LTBP1: variants seen among roughly 807,000 people sequenced by gnomAD.
LTBP1 encodes the protein latent-transforming growth factor beta-binding protein 1.
Under a neutral mutation model 207.6 loss-of-function variants are expected in LTBP1, and 129 were observed. That is an observed-to-expected ratio of 0.62 (90% CI 0.54 to 0.72). The LOEUF is 0.72. Among genes scored for constraint, LTBP1 ranks in the 30% least tolerant of loss-of-function variants. The probability of loss-of-function intolerance (pLI) is 0.00; values close to 1 mark genes in which losing one functional copy is unlikely to be tolerated. For synonymous variants in LTBP1, 963 were observed against 833.7 expected (o/e 1.16, Z -2.67); for missense variants, 2,281 against 2,217.2 (o/e 1.03, Z -0.58).
intron 18 of LTBP1, among the ~76,000 whole-genome samples, chr2:33,276,184 A>G (rs558894267): frequency 1.1e-4 from 16 of 152,356 alleles, no homozygotes; most frequent in Admixed American, 2.6e-4. Context: ...TAGAATGATT[A>G]ATTGCATCAT....
intron 23 of LTBP1, 152 bp from the exon 24 acceptor site, chr2:33,314,992 G>A: frequency 1.6e-6 from 1 of 622,380 alleles, no homozygotes; most frequent in Non-Finnish European, 2.7e-6. Flanking sequence ...AACTCAGCTT[G>A]TCCTGTGGTT....
intron 10 of LTBP1, among the ~76,000 whole-genome samples, chr2:33,246,037 A>C (rs2092497234): frequency 6.6e-6 from 1 of 152,224 alleles, no homozygotes; most frequent in Non-Finnish European, 1.5e-5. Context: ...TCATTGCCCA[A>C]ATAATTCTGA....
intron 31 of LTBP1, among the ~76,000 whole-genome samples, chr2:33,371,392 G>C (rs1226750607): frequency 6.6e-6 from 1 of 152,104 alleles, no homozygotes; most frequent in Admixed American, 6.6e-5. Context: ...AAACTGTTTT[G>C]GGAGGATCCT....
chr2:33,254,867 T>TTTTTTTTG (rs2092800722), intron 11 of LTBP1, among the ~76,000 whole-genome samples: 1 of 122,044 alleles, frequency 8.2e-6, no homozygotes. Context: ...TTTTTTTTTT[T>TTTTTTTTG]TTTTTTTTTT....
chr2:33,336,979 G>A (rs2094560403), intron 24 of LTBP1, among the ~76,000 whole-genome samples: 1 of 152,084 alleles, frequency 6.6e-6, no homozygotes, highest in Non-Finnish European at 1.5e-5. Flanking sequence ...ATTGAGATTT[G>A]TTGTGAATTT....
rs74978869 is a variant in LTBP1 at position 33,224,392 on chromosome 2, A to G, written c.1876+2241A>G. 6.4e-3 allele frequency among the ~76,000 whole-genome samples: 981 copies of G among 152,308 alleles called. 6 individuals are homozygous for G. The highest frequency in any genetic ancestry group is 0.031 in the Middle Eastern group (9 of 294). Reference sequence around the variant, plus strand: ...ATGCTCCTAATTTCTCTTAATGTCAAATGGATAAAATATACATATGTTCTC... The same window carrying G: ...ATGCTCCTAATTTCTCTTAATGTCAGATGGATAAAATATACATATGTTCTC... On this transcript the variant is annotated intron_variant, in intron 9 of 33. Coordinates refer to ENST00000404816, the MANE Select transcript of LTBP1 (RefSeq NM_206943.4).
At chr2:32,965,112 TG>T (rs1173924196) in intron 2 of LTBP1, among the ~76,000 whole-genome samples, 2 of 152,250 alleles carry the variant, frequency 1.3e-5, no homozygotes, top group Admixed American at 6.5e-5. Flanking sequence ...CATAGAATAA[TG>T]AAGACAAAGT....
intron 7 of LTBP1, among the ~76,000 whole-genome samples, chr2:33,194,810 A>G (rs967456912): frequency 6.6e-6 from 1 of 152,220 alleles, no homozygotes; most frequent in Non-Finnish European, 1.5e-5. Context: ...TCATAGCTAG[A>G]GAGAAAGTCA....
At position 33,021,158 on chromosome 2, in the gene LTBP1, C is replaced by T. The variant is rs777550744; in HGVS notation, c.815C>T (p.Thr272Ile). The T allele has an allele frequency of 2.4e-5, 39 of 1,611,568 alleles. No individual in the cohort carries two copies. The highest frequency in any genetic ancestry group is 3.1e-5 in the Non-Finnish European group (37 of 1,178,506). ...RVSPVAQMTL[T>I]LKPKPSVGLP... Reference sequence around the variant, plus strand: ...AGCCCTGTGGCCCAGATGACCTTAACCCTCAAGCCGAAGCCTTCAGTGGGA... The same window carrying T: ...AGCCCTGTGGCCCAGATGACCTTAATCCTCAAGCCGAAGCCTTCAGTGGGA... Residue 272 changes from threonine (T) to isoleucine (I), a missense_variant, in exon 3 of 34, where the codon ACC (threonine) becomes ATC (isoleucine). Coordinates refer to ENST00000404816, the MANE Select transcript of LTBP1 (RefSeq NM_206943.4).
chr2:33,218,063 T>C (rs1044480893), intron 8 of LTBP1, among the ~76,000 whole-genome samples: 11 of 152,228 alleles, frequency 7.2e-5, no homozygotes, highest in African/African-American at 1.7e-4. Context: ...CCACAACTTA[T>C]GTTGTAGTTT....
intron 2 of LTBP1, among the ~76,000 whole-genome samples, chr2:32,976,881 G>A (rs761670549): frequency 2.8e-4 from 42 of 152,184 alleles, no homozygotes; most frequent in Non-Finnish European, 4.1e-4. Context: ...GCTAGGAGCC[G>A]TGAGGGTGAG....
At chr2:33,341,539 G>A (rs1288563874) in intron 24 of LTBP1, among the ~76,000 whole-genome samples, 1 of 151,430 alleles carries the variant, frequency 6.6e-6, no homozygotes, top group Non-Finnish European at 1.5e-5. Flanking sequence ...GTGAAACACC[G>A]TCTCTACTAA....
chr2:33,036,806 C>CT (rs1442268502), intron 3 of LTBP1, among the ~76,000 whole-genome samples: 1 of 152,008 alleles, frequency 6.6e-6, no homozygotes, highest in Non-Finnish European at 1.5e-5. Context: ...GTTTAAAAAG[C>CT]TTTTTTAGCA....
At chr2:33,270,003 T>C (rs2093280495) in intron 15 of LTBP1, among the ~76,000 whole-genome samples, 1 of 149,790 alleles carries the variant, frequency 6.7e-6, no homozygotes, top group South Asian at 2.1e-4. Flanking sequence ...TCTCGCCCTG[T>C]CACTCAGGGT....
At chr2:33,129,035 A>T (rs1460687367) in intron 4 of LTBP1, among the ~76,000 whole-genome samples, 1 of 152,158 alleles carries the variant, frequency 6.6e-6, no homozygotes, top group Admixed American at 6.5e-5. Context: ...AGTCATTTTG[A>T]AAGAGACACC....
At chr2:33,354,916 A>G (rs1416596874) in intron 26 of LTBP1, among the ~76,000 whole-genome samples, 1 of 151,884 alleles carries the variant, frequency 6.6e-6, no homozygotes, top group Non-Finnish European at 1.5e-5. Flanking sequence ...CGTTTTTAAA[A>G]TTTTTTTGTA....
At chr2:33,040,573 T>C (rs969309054) in intron 3 of LTBP1, among the ~76,000 whole-genome samples, 1 of 152,212 alleles carries the variant, frequency 6.6e-6, no homozygotes, top group Non-Finnish European at 1.5e-5. Flanking sequence ...CTCAACCACA[T>C]ATGTCACTGC....
At chr2:33,100,427 G>C (rs2150129430) in intron 3 of LTBP1, among the ~76,000 whole-genome samples, 1 of 152,076 alleles carries the variant, frequency 6.6e-6, no homozygotes, top group African/African-American at 2.4e-5. Flanking sequence ...TGGGGGCAGG[G>C]GGGGCAAGAA....
At chr2:33,328,135 C>CAATAAATAAATA (rs535099037) in intron 24 of LTBP1, among the ~76,000 whole-genome samples, 5,651 of 134,100 alleles carry the variant, frequency 0.042, 229 homozygotes, top group African/African-American at 0.093. Flanking sequence ...GACTCTGTCT[C>CAATAAATAAATA]AATAAATAAA....
Sources: allele counts gnomAD v4.1 joint callset (sites outside exome capture counted in the v4.1 genomes callset), GRCh38; gene constraint gnomAD v4.1.1; transcripts MANE v1.5; gene names NCBI Gene and HGNC (gene_info 2026-07-23, HGNC 2026-07-21).